SLC35F1: variants seen among roughly 807,000 people sequenced by gnomAD.
SLC35F1 encodes the protein solute carrier family 35 member F1, also known as chromosome 6 open reading frame 169.
A neutral mutation model predicts 48.7 loss-of-function variants in SLC35F1; 14 were observed. That is an observed-to-expected ratio of 0.29 (90% CI 0.19 to 0.45). The LOEUF is 0.45. SLC35F1 is among the 20% of genes least tolerant of loss of function. The probability of loss-of-function intolerance (pLI) is 1.00; values close to 1 mark genes in which losing one functional copy is unlikely to be tolerated. For missense variants in SLC35F1, 404 were observed against 500.0 expected (o/e 0.81, Z 1.83); for synonymous variants, 190 against 202.2 (o/e 0.94, Z 0.51).
chr6:117,937,883 G>A (rs1298365525), intron 1 of SLC35F1, among the ~76,000 whole-genome samples: 1 of 152,042 alleles, frequency 6.6e-6, no homozygotes, highest in Admixed American at 6.5e-5. Flanking sequence ...TCACCCTCCA[G>A]TGCCTGATGA....
chr6:118,106,094 A>C (rs1773323406), intron 1 of SLC35F1, among the ~76,000 whole-genome samples: 1 of 152,126 alleles, frequency 6.6e-6, no homozygotes, highest in Non-Finnish European at 1.5e-5. Flanking sequence ...GCCTGCAACT[A>C]AGTATTGGTA....
At chr6:118,190,080 T>A (rs1368285752) in intron 2 of SLC35F1, among the ~76,000 whole-genome samples, 1 of 152,234 alleles carries the variant, frequency 6.6e-6, no homozygotes, top group Admixed American at 6.5e-5. Flanking sequence ...ATATTTAGTT[T>A]GCTTTAACAA....
intron 2 of SLC35F1, among the ~76,000 whole-genome samples, chr6:118,185,356 G>T (rs1040429042): frequency 3.4e-4 from 52 of 152,090 alleles, no homozygotes; most frequent in Admixed American, 6.6e-5. Flanking sequence ...AGATTTGCAG[G>T]CTAATTTTGC....
At position 118,212,727 on chromosome 6, in the gene SLC35F1, AAAGGAAGGAAGGAAGGAAGGAAGG is replaced by A. The variant is rs755835187; in HGVS notation, c.350-22739_350-22716del. Among the ~76,000 whole-genome samples, 84 of 93,720 alleles carry A rather than the reference AAAGGAAGGAAGGAAGGAAGGAAGG, an allele frequency of 9.0e-4. 3 individuals carry two copies. Among genetic ancestry groups the A allele is most frequent in the African/African-American group, 3.0e-3 (71 of 23,918 alleles). The allele number at this position is 93,720 out of a possible 152,430, so 61.5% of individuals were successfully genotyped here. ...AAAGAAGGAAAGGAAGGAAGGAAGG[AAAGGAAGGAAGGAAGGAAGGAAGG>A]AAGGAAGGAAGGAAGGAAGGAAGGA... is the stretch of plus-strand genomic sequence containing the variant. On this transcript the variant is annotated intron_variant, in intron 2 of 7. Transcript: ENST00000360388.
chr6:118,131,626 GGTTATAA>G (rs1773713051), intron 1 of SLC35F1, among the ~76,000 whole-genome samples: 1 of 152,016 alleles, frequency 6.6e-6, no homozygotes, highest in Non-Finnish European at 1.5e-5. Context: ...CAATACAGGA[GGTTATAA>G]GTTTTGCTCC....
chr6:118,187,389 A>G (rs900804251), intron 2 of SLC35F1, among the ~76,000 whole-genome samples: 2 of 152,230 alleles, frequency 1.3e-5, no homozygotes, highest in African/African-American at 4.8e-5. Flanking sequence ...TGAAAATTGT[A>G]ACCAACTCAT....
chr6:118,128,362 G>A (rs1339501712), intron 1 of SLC35F1, among the ~76,000 whole-genome samples: 41 of 139,456 alleles, frequency 2.9e-4, no homozygotes, highest in Admixed American at 1.1e-3. Context: ...ACATGCACAC[G>A]TATGTTTATT....
At chr6:118,224,218 C>G (rs1487038811) in intron 2 of SLC35F1, among the ~76,000 whole-genome samples, 1 of 152,120 alleles carries the variant, frequency 6.6e-6, no homozygotes, top group East Asian at 1.9e-4. Flanking sequence ...CACGTATAGC[C>G]AAGCTATCAT....
At chr6:118,192,388 C>T (rs1266563532) in intron 2 of SLC35F1, among the ~76,000 whole-genome samples, 2 of 152,158 alleles carry the variant, frequency 1.3e-5, no homozygotes, top group South Asian at 2.1e-4. Flanking sequence ...ACCCATGATA[C>T]GATTTTAAAG....
intron 1 of SLC35F1, among the ~76,000 whole-genome samples, chr6:118,112,326 T>C (rs547216089): frequency 2.3e-4 from 35 of 152,230 alleles, no homozygotes; most frequent in African/African-American, 7.7e-4. Context: ...TTGCAAAGTA[T>C]AGTAATTAAG....
At chr6:118,241,170 C>T (rs1158883140) in intron 3 of SLC35F1, among the ~76,000 whole-genome samples, 1 of 152,102 alleles carries the variant, frequency 6.6e-6, no homozygotes, top group Admixed American at 6.5e-5. Flanking sequence ...CTGAATTTTT[C>T]TTAGGAAACA....
At chr6:118,275,650 G>C in intron 5 of SLC35F1, 35 bp downstream of exon 5, 1 of 1,600,434 alleles carries the variant, frequency 6.2e-7, no homozygotes, top group Non-Finnish European at 8.5e-7. Context: ...AGATAGTAGA[G>C]GGACTGTCAA....
chr6:118,028,911 G>A (rs1284002314), intron 1 of SLC35F1, among the ~76,000 whole-genome samples: 2 of 151,958 alleles, frequency 1.3e-5, no homozygotes, highest in Non-Finnish European at 2.9e-5. Flanking sequence ...AGAGTCATGA[G>A]GATCATTATA....
At chr6:118,009,107 T>C (rs1427653370) in intron 1 of SLC35F1, among the ~76,000 whole-genome samples, 1 of 152,160 alleles carries the variant, frequency 6.6e-6, no homozygotes, top group Non-Finnish European at 1.5e-5. Flanking sequence ...ACTCTGGTGA[T>C]TTTGGTGTGT....
chr6:118,302,942 G>T (rs897831887), intron 7 of SLC35F1, among the ~76,000 whole-genome samples: 6 of 149,918 alleles, frequency 4.0e-5, no homozygotes, highest in Non-Finnish European at 8.9e-5. Flanking sequence ...TTTGCGAGAA[G>T]GTAGCAACTG....
At chr6:117,970,934 C>T (rs1267638535) in intron 1 of SLC35F1, among the ~76,000 whole-genome samples, 1 of 152,158 alleles carries the variant, frequency 6.6e-6, no homozygotes, top group Non-Finnish European at 1.5e-5. Flanking sequence ...CTTCTGCTCC[C>T]TCCCAAATCT....
At chr6:118,175,387 C>A (rs898346387) in intron 2 of SLC35F1, among the ~76,000 whole-genome samples, 1 of 152,078 alleles carries the variant, frequency 6.6e-6, no homozygotes, top group Non-Finnish European at 1.5e-5. Flanking sequence ...AAATAAGAAG[C>A]TCAATCCTTT....
At position 118,317,429 on chromosome 6, in the gene SLC35F1, A is replaced by G. The variant is rs1030897145; in HGVS notation, c.*3177A>G. The G allele has an allele frequency of 6.6e-6, 1 of 152,214 alleles. No individual in the cohort carries two copies. Among genetic ancestry groups the G allele is most frequent in the Non-Finnish European group, 1.5e-5 (1 of 68,046 alleles). 9.4% of individuals were successfully genotyped at this position (152,214 alleles called of 1,614,324 possible). A position where few individuals can be genotyped will look rare whatever the true frequency, so the allele number is the denominator to read the frequency against. The stretch of plus-strand genomic sequence containing the variant: ...TCTTTTTGATTTATAACTATTTAGT[A>G]GTCCCCAGCTAGCTACCAGTACAGA... On this transcript the variant is annotated 3_prime_UTR_variant, in exon 8 of 8. Transcript: ENST00000360388.
chr6:118,134,456 A>G (rs1582685132), intron 1 of SLC35F1, among the ~76,000 whole-genome samples: 1 of 152,252 alleles, frequency 6.6e-6, no homozygotes, highest in East Asian at 1.9e-4. Context: ...GCCAGGAGAA[A>G]TATGCTAGTC....
Sources: gnomAD v4.1 joint callset for allele counts (sites outside exome capture counted in the v4.1 genomes callset) on GRCh38, gnomAD v4.1.1 for gene constraint, MANE v1.5 for transcripts, NCBI Gene and HGNC (gene_info 2026-07-23, HGNC 2026-07-21) for gene names.